COX6C: variants seen among roughly 807,000 people sequenced by gnomAD.
COX6C encodes the protein cytochrome c oxidase polypeptide VIc.
In COX6C, 3 loss-of-function variants were observed where a neutral mutation model predicts 6.9. The observed-to-expected ratio is 0.43, with a 90% CI of 0.20 to 1.12. COX6C has a LOEUF of 1.12. Among genes scored for constraint, COX6C ranks in the 50% most tolerant of loss-of-function variants. The pLI, the probability that COX6C is intolerant of heterozygous loss-of-function variation, is 0.27. For synonymous variants in COX6C, 32 were observed against 32.0 expected (o/e 1.00, Z 0.00); for missense variants, 101 against 97.3 (o/e 1.04, Z -0.16).
At chr8:99,886,687 TTC>T (rs1817947195) in intron 3 of COX6C, among the ~76,000 whole-genome samples, 1 of 150,416 alleles carries the variant, frequency 6.6e-6, no homozygotes, top group African/African-American at 2.5e-5. Context: ...AGAAAGGAAA[TTC>T]TGACACATGC....
chr8:99,891,788 T>G (rs1818055903), intron 2 of COX6C, 120 bp downstream of exon 2: 1 of 825,070 alleles, frequency 1.2e-6, no homozygotes, highest in Admixed American at 1.9e-5. Context: ...CCTGTCACAC[T>G]GAGGTGAGTG....
chr8:99,889,807 G>A lies in COX6C; in HGVS notation c.114+2101C>T, dbSNP rs553960304. On this transcript the variant is annotated intron_variant, in intron 2 of 3. Coordinates refer to ENST00000520468, the MANE Select transcript of COX6C (RefSeq NM_004374.4). ...GTATTTTTGTATTTTTAGAAGAAAT[G>A]CGACCGGGTGCGGTGGCTCACGCCT... Among the ~76,000 whole-genome samples, 3 of 151,994 alleles carry A rather than the reference G, an allele frequency of 2.0e-5. No homozygotes were observed. The South Asian group carries it at 6.2e-4, about 32-fold the overall frequency.
At chr8:99,892,180 A>C in intron 1 of COX6C, 128 bp from the exon 2 acceptor site, 3 of 591,496 alleles carry the variant, frequency 5.1e-6, no homozygotes. Context: ...GTTACAAATG[A>C]ATGTTTTTCT....
intron 3 of COX6C, among the ~76,000 whole-genome samples, chr8:99,881,187 C>G (rs1817857057): frequency 6.6e-6 from 1 of 151,970 alleles, no homozygotes. Context: ...CGGTGAAATC[C>G]CATCTCTACT....
rs551304648 is a variant in COX6C, at chr8:99,888,343, G to T, written c.115-725C>A. On this transcript the variant is annotated intron_variant, in intron 2 of 3. Coordinates refer to ENST00000520468, the MANE Select transcript of COX6C (RefSeq NM_004374.4). ...ATCCCAGCACTTTGGGAGGCCAAGG[G>T]GGGCGAATCACAAGGTCAGGAATTG... 1.2e-4 allele frequency among the ~76,000 whole-genome samples: 19 copies of T among 152,100 alleles called. No homozygotes were observed. In the South Asian group the frequency reaches 3.9e-3, roughly 32 times the overall value.
intron 1 of COX6C, 67 bp from the exon 2 acceptor site, chr8:99,892,119 C>A (rs748595091): frequency 6.0e-6 from 5 of 834,928 alleles, no homozygotes; most frequent in Non-Finnish European, 9.6e-6. Context: ...AGAATGGCCA[C>A]CTGGAAGCAT....
At chr8:99,884,803 CTA>C (rs1445845355) in intron 3 of COX6C, among the ~76,000 whole-genome samples, 1 of 151,882 alleles carries the variant, frequency 6.6e-6, no homozygotes, top group Non-Finnish European at 1.5e-5. Flanking sequence ...AGTAGCAACA[CTA>C]AAAGAAATTA....
chr8:99,884,185 G>A (rs115384184), intron 3 of COX6C, among the ~76,000 whole-genome samples: 204 of 152,266 alleles, frequency 1.3e-3, no homozygotes, highest in African/African-American at 4.3e-3. Flanking sequence ...AAGGAAAGGA[G>A]TAAGTAAAAC....
chr8:99,889,355 T>C (rs1817998416), intron 2 of COX6C, among the ~76,000 whole-genome samples: 2 of 151,030 alleles, frequency 1.3e-5, no homozygotes, highest in Admixed American at 1.3e-4. Context: ...AGCGGCACGA[T>C]CTCGGCTCAC....
intron 3 of COX6C, among the ~76,000 whole-genome samples, chr8:99,883,624 C>G (rs1032259752): frequency 6.6e-6 from 1 of 151,900 alleles, no homozygotes; most frequent in African/African-American, 2.4e-5. Context: ...AGCACCAATC[C>G]TCCTCAAGTT....
At chr8:99,891,809 T>C in intron 2 of COX6C, 99 bp downstream of exon 2, 1 of 1,016,146 alleles carries the variant, frequency 9.8e-7, no homozygotes. Context: ...CAGAAAGGGT[T>C]AGAAAGAAAC....
chr8:99,879,171 T>C (rs1266161127), intron 3 of COX6C, among the ~76,000 whole-genome samples: 1 of 152,232 alleles, frequency 6.6e-6, no homozygotes, highest in East Asian at 1.9e-4. Flanking sequence ...AGGTACTTCA[T>C]ACATGCTATC....
At chr8:99,887,271 A>G in intron 3 of COX6C, 1 of 350,398 alleles carries the variant, frequency 2.9e-6, no homozygotes, top group African/African-American at 2.1e-5. Context: ...GGATGTGGTC[A>G]TTGGTGCTCC....
At chr8:99,889,554 T>G (rs1354912646) in intron 2 of COX6C, among the ~76,000 whole-genome samples, 1 of 151,524 alleles carries the variant, frequency 6.6e-6, no homozygotes, top group Non-Finnish European at 1.5e-5. Context: ...CCCGGCTAAT[T>G]TTTTTGTATT....
Position 99,887,519 on chromosome 8 carries a change from G to C in COX6C, c.214C>G (p.Gln72Glu). 6.2e-7 allele frequency: 1 copy of C among 1,600,518 alleles called. No homozygotes were observed. The highest frequency in any genetic ancestry group is 8.5e-7 in the Non-Finnish European group (1 of 1,174,690). ...ATATTCCAAGATTACTTTACACTCTGAAAGATACCAGCCTTCCTCATCTCC... is the reference window on the plus strand; with the variant it reads ...ATATTCCAAGATTACTTTACACTCTCAAAGATACCAGCCTTCCTCATCTCC... ...FEEMRKAGIFQSVK is the reference protein window; with the variant it reads ...FEEMRKAGIFESVK The change falls in exon 3 of 4, where the codon CAG becomes GAG. Residue 72 changes from glutamine to glutamate, a missense_variant. By Grantham distance (29) the Gln-to-Glu change is conservative. Coordinates refer to ENST00000520468, the MANE Select transcript of COX6C (RefSeq NM_004374.4).
chr8:99,889,748 A>G (rs1818005411), intron 2 of COX6C, among the ~76,000 whole-genome samples: 1 of 151,778 alleles, frequency 6.6e-6, no homozygotes, highest in South Asian at 2.1e-4. Context: ...TCCCACCTCA[A>G]CTTCCTGAGT....
At position 99,880,131 on chromosome 8, in the gene COX6C, A is replaced by T. The variant is rs575329195; in HGVS notation, c.*16-1866T>A. On this transcript the variant is annotated intron_variant, in intron 3 of 3. Coordinates refer to ENST00000520468, the MANE Select transcript of COX6C (RefSeq NM_004374.4). ...GGACACCAAGCCTTTATGGTGCGCT[A>T]ATCAGTGAAGGCCTTTCCATGCATG... is the stretch of plus-strand genomic sequence containing the variant. Among the ~76,000 whole-genome samples the T allele has an allele frequency of 9.8e-5, 15 of 152,348 alleles. No individual in the cohort carries two copies. The South Asian group carries it at 3.1e-3, about 32-fold the overall frequency.
At chr8:99,882,874 T>C (rs1036023940) in intron 3 of COX6C, among the ~76,000 whole-genome samples, 8 of 152,182 alleles carry the variant, frequency 5.3e-5, no homozygotes, top group Non-Finnish European at 8.8e-5. Context: ...CACTGCTCAC[T>C]GCAGCCTTGA....
At chr8:99,891,584 C>G (rs563093235) in intron 2 of COX6C, among the ~76,000 whole-genome samples, 2 of 152,094 alleles carry the variant, frequency 1.3e-5, no homozygotes, top group Admixed American at 6.5e-5. Context: ...CAGATATATG[C>G]CCACAGAGGA....
Sources: gnomAD v4.1 joint callset for allele counts (sites outside exome capture counted in the v4.1 genomes callset) on GRCh38, gnomAD v4.1.1 for gene constraint, MANE v1.5 for transcripts, NCBI Gene and HGNC (gene_info 2026-07-23, HGNC 2026-07-21) for gene names.